The following SESN3 variants were observed in gnomAD, a reference collection of about 807,000 sequenced individuals.
SESN3 encodes the protein sestrin-3.
A neutral mutation model predicts 55.3 loss-of-function variants in SESN3; 21 were observed. That is an observed-to-expected ratio of 0.38 (90% CI 0.27 to 0.55). The LOEUF is 0.55. SESN3 is among the 20% of genes least tolerant of loss of function. SESN3 has a pLI of 0.76. For synonymous variants in SESN3, 181 were observed against 203.1 expected (o/e 0.89, Z 0.93); for missense variants, 408 against 604.3 (o/e 0.68, Z 3.41).
intron 1 of SESN3, among the ~76,000 whole-genome samples, chr11:95,197,971 A>G (rs1860393222): frequency 1.3e-5 from 2 of 152,286 alleles, no homozygotes; most frequent in South Asian, 2.1e-4. Context: ...TGAATCTTCT[A>G]TCTCAAACCA....
In SESN3 at chr11:95,193,538, A is replaced by C; in HGVS notation, c.79-16T>G. 7.0e-7 allele frequency: 1 copy of C among 1,434,882 alleles called. No individual in the cohort carries two copies. Among genetic ancestry groups the C allele is most frequent in the South Asian group, 1.2e-5 (1 of 85,318 alleles). The allele number at this position is 1,434,882 out of a possible 1,614,324, so 88.9% of individuals were successfully genotyped here. ...TTCTTTTATCCTATTTTTAAAAGAAAAGTTTTATGTATCAATGATGACTTT... is the reference window on the plus strand; with the variant it reads ...TTCTTTTATCCTATTTTTAAAAGAACAGTTTTATGTATCAATGATGACTTT... On this transcript the variant is annotated splice_polypyrimidine_tract_variant and intron_variant, in intron 1 of 9. Transcript: ENST00000536441.
At chr11:95,203,083 G>A (rs1860487892) in intron 1 of SESN3, among the ~76,000 whole-genome samples, 1 of 152,056 alleles carries the variant, frequency 6.6e-6, no homozygotes, top group Non-Finnish European at 1.5e-5. Flanking sequence ...AGTTATCTTG[G>A]TGTATGAGGG....
intron 5 of SESN3, among the ~76,000 whole-genome samples, chr11:95,184,995 G>T (rs1290272601): frequency 1.3e-5 from 2 of 151,954 alleles, no homozygotes; most frequent in Non-Finnish European, 2.9e-5. Context: ...ACTGTCCAAA[G>T]GGTCTAACAT....
At chr11:95,215,741 G>GA (rs1260608143) in intron 1 of SESN3, among the ~76,000 whole-genome samples, 1 of 152,140 alleles carries the variant, frequency 6.6e-6, no homozygotes, top group African/African-American at 2.4e-5. Flanking sequence ...ACATGCTCTA[G>GA]AAAAGGTATG....
chr11:95,229,397 T>A (rs1026336602), intron 1 of SESN3, among the ~76,000 whole-genome samples: 3 of 152,160 alleles, frequency 2.0e-5, no homozygotes, highest in South Asian at 2.1e-4. Context: ...AACATGCACA[T>A]TTAATAAAAA....
At chr11:95,175,722 G>T (rs867073278) in intron 8 of SESN3, 80 bp from the exon 9 acceptor site, 17 of 1,164,476 alleles carry the variant, frequency 1.5e-5, no homozygotes, top group Middle Eastern at 2.1e-4. Flanking sequence ...GACATTTATT[G>T]TCTAGTAATT....
chr11:95,219,340 T>A (rs1209378758), intron 1 of SESN3, among the ~76,000 whole-genome samples: 1 of 152,210 alleles, frequency 6.6e-6, no homozygotes, highest in Admixed American at 6.5e-5. Context: ...TTTTTTTCTT[T>A]ACTGGAGCAC....
At chr11:95,178,668 G>T in intron 7 of SESN3, 42 bp downstream of exon 7, 1 of 1,167,536 alleles carries the variant, frequency 8.6e-7, no homozygotes, top group Non-Finnish European at 1.3e-6. Context: ...CAGTTAAAAT[G>T]ACAGTATGTT....
intron 1 of SESN3, among the ~76,000 whole-genome samples, chr11:95,202,385 A>G (rs950840906): frequency 2.0e-5 from 3 of 152,186 alleles, no homozygotes; most frequent in East Asian, 1.9e-4. Context: ...AGAAATACCA[A>G]TAAGTTAAAC....
intron 4 of SESN3, 92 bp from the exon 5 acceptor site, chr11:95,185,584 C>T (rs575601509): frequency 1.2e-6 from 1 of 804,560 alleles, no homozygotes. Context: ...CATATATCCA[C>T]TTAGAGTAAT....
upstream of SESN3, chr11:95,231,506 A>C: frequency 1.1e-5 from 2 of 185,630 alleles, no homozygotes; most frequent in East Asian, 1.3e-4. Flanking sequence ...TCATATGCAA[A>C]TATACTGCCC....
rs969233581 is a variant in SESN3 at position 95,187,841 on chromosome 11, C to A, written c.525+1938G>T. On this transcript the variant is annotated intron_variant, in intron 4 of 9. Transcript: ENST00000536441. ...TAAGTGGACATCACTTTGTGGATGTCATTTTTAGTTGTTGTCAGCCTGTAT... is the reference window on the plus strand; with the variant it reads ...TAAGTGGACATCACTTTGTGGATGTAATTTTTAGTTGTTGTCAGCCTGTAT... Among the ~76,000 whole-genome samples the A allele has an allele frequency of 2.0e-5, 3 of 151,832 alleles. No individual in the cohort carries two copies. The South Asian group carries it at 6.2e-4, about 31-fold the overall frequency.
intron 1 of SESN3, among the ~76,000 whole-genome samples, chr11:95,212,426 T>G (rs1033090660): frequency 2.0e-5 from 3 of 152,084 alleles, no homozygotes; most frequent in Non-Finnish European, 1.5e-5. Flanking sequence ...ACATATTAAT[T>G]AAATAATTCT....
intron 1 of SESN3, among the ~76,000 whole-genome samples, chr11:95,194,859 G>A (rs1017929140): frequency 6.6e-6 from 1 of 152,104 alleles, no homozygotes; most frequent in Admixed American, 6.6e-5. Context: ...TGAACTACAA[G>A]GTTAAAGTAA....
chr11:95,205,905 TGGAGTTGGGGGAA>T (rs1172280678), intron 1 of SESN3, among the ~76,000 whole-genome samples: 1 of 151,566 alleles, frequency 6.6e-6, no homozygotes, highest in Non-Finnish European at 1.5e-5. Context: ...ATTGAGGGGG[TGGAGTTGGGGGAA>T]GGACAGTAGA....
chr11:95,185,023 T>G (rs1860137588), intron 5 of SESN3, among the ~76,000 whole-genome samples: 2 of 152,104 alleles, frequency 1.3e-5, no homozygotes. Flanking sequence ...CTATGATCAC[T>G]AGAATGCATC....
intron 1 of SESN3, among the ~76,000 whole-genome samples, chr11:95,225,813 A>G (rs1860937071): frequency 6.6e-6 from 1 of 152,106 alleles, no homozygotes; most frequent in Admixed American, 6.5e-5. Flanking sequence ...AACTAATTAA[A>G]AATTTTTGCT....
intron 1 of SESN3, among the ~76,000 whole-genome samples, chr11:95,229,380 C>A (rs1861008238): frequency 6.6e-6 from 1 of 152,142 alleles, no homozygotes; most frequent in Non-Finnish European, 1.5e-5. Context: ...AATAACTGCA[C>A]ATACTCAACA....
chr11:95,219,437 G>A (rs1860819578), intron 1 of SESN3, among the ~76,000 whole-genome samples: 1 of 151,960 alleles, frequency 6.6e-6, no homozygotes, highest in African/African-American at 2.4e-5. Context: ...ATATCAAAGA[G>A]GAACTTTCTG....
Sources: gnomAD v4.1 joint callset for allele counts (sites outside exome capture counted in the v4.1 genomes callset) on GRCh38, gnomAD v4.1.1 for gene constraint, MANE v1.5 for transcripts, NCBI Gene and HGNC (gene_info 2026-07-23, HGNC 2026-07-21) for gene names.